The following TLN2 variants were observed in gnomAD, a reference collection of about 807,000 sequenced individuals.
TLN2 encodes talin 2.
A neutral mutation model predicts 294.7 loss-of-function variants in TLN2; 118 were observed. The ratio of observed to expected loss-of-function variants is 0.40; its 90% confidence interval spans 0.34 to 0.47. TLN2 has a LOEUF of 0.47. Among genes scored for constraint, TLN2 ranks in the 20% least tolerant of loss-of-function variants. TLN2 has a pLI of 0.84. For synonymous variants in TLN2, 1,431 were observed against 1,304.5 expected (o/e 1.10, Z -2.09); for missense variants, 3,083 against 3,282.2 (o/e 0.94, Z 1.48).
rs554672593 is a variant in TLN2, at chr15:62,835,440, C to G, written c.7129-297C>G. On this transcript the variant is annotated intron_variant, in intron 55 of 58. Coordinates refer to ENST00000636159, the MANE Select transcript of TLN2 (RefSeq NM_015059.3). ...AGGAGTAAGTGTAGAAAGACAGCCC[C>G]AGGTCATCATTCCTGAGCCGTTTCC... 8 of 480,298 alleles carry G rather than the reference C, an allele frequency of 1.7e-5. No individual in the cohort carries two copies. The South Asian group carries it at 2.0e-4, about 12-fold the overall frequency. The allele number at this position is 480,298 out of a possible 1,614,324, so 29.8% of individuals were successfully genotyped here.
intron 1 of TLN2, among the ~76,000 whole-genome samples, chr15:62,410,461 TA>T (rs989367664): frequency 6.6e-6 from 1 of 151,940 alleles, no homozygotes; most frequent in Non-Finnish European, 1.5e-5. Flanking sequence ...AACCTGATTT[TA>T]AAAAAAAGGT....
chr15:62,421,726 T>TG (rs2034410521), intron 1 of TLN2, among the ~76,000 whole-genome samples: 1 of 152,038 alleles, frequency 6.6e-6, no homozygotes, highest in Non-Finnish European at 1.5e-5. Flanking sequence ...CCAGGCTTGA[T>TG]GCTGCGGTTA....
intron 1 of TLN2, among the ~76,000 whole-genome samples, chr15:62,470,868 A>G (rs574265834): frequency 9.8e-5 from 15 of 152,380 alleles, no homozygotes; most frequent in African/African-American, 2.9e-4. Flanking sequence ...GAGGCAATTC[A>G]TATTTCATTA....
chr15:62,818,640 C>G (rs1157545906), intron 52 of TLN2, among the ~76,000 whole-genome samples: 3 of 152,094 alleles, frequency 2.0e-5, no homozygotes, highest in African/African-American at 7.2e-5. Context: ...GGACTTCTCC[C>G]AGGAGAGCTT....
chr15:62,794,689 A>C (rs1447502017), intron 46 of TLN2, among the ~76,000 whole-genome samples: 1 of 152,116 alleles, frequency 6.6e-6, no homozygotes, highest in Non-Finnish European at 1.5e-5. Flanking sequence ...TGAGGAAGAG[A>C]AACAATTCCT....
rs77570046 is a variant in TLN2 at position 62,412,687 on chromosome 15, T to A, written c.-238+22002T>A. On this transcript the variant is annotated intron_variant, in intron 1 of 58. Transcript: ENST00000636159. ...CAGCAGTGGGTCCTTGAAAAAGTTG[T>A]TATATTTTTGTCCAAGGGCAGGATC... 2.0e-5 allele frequency among the ~76,000 whole-genome samples: 3 copies of A among 152,210 alleles called. No individual in the cohort carries two copies. The South Asian group carries it at 6.2e-4, about 32-fold the overall frequency.
intron 54 of TLN2, chr15:62,824,132 A>C: frequency 2.7e-6 from 1 of 367,498 alleles, no homozygotes; most frequent in South Asian, 2.1e-5. Context: ...AGCACTCATT[A>C]CAATTCATGT....
At chr15:62,801,738 CTGCCTGGCACT>C (rs2141146954) in intron 50 of TLN2, among the ~76,000 whole-genome samples, 1 of 152,350 alleles carries the variant, frequency 6.6e-6, no homozygotes, top group East Asian at 1.9e-4. Context: ...TTAAGTACCA[CTGCCTGGCACT>C]TGCCTGGCTG....
At chr15:62,535,736 G>T (rs1367869469) in intron 1 of TLN2, among the ~76,000 whole-genome samples, 1 of 152,042 alleles carries the variant, frequency 6.6e-6, no homozygotes, top group African/African-American at 2.4e-5. Context: ...TTGTAATTTA[G>T]TAGAGACGGG....
intron 45 of TLN2, among the ~76,000 whole-genome samples, chr15:62,790,152 T>C (rs947134287): frequency 1.3e-5 from 2 of 152,240 alleles, no homozygotes; most frequent in African/African-American, 4.8e-5. Context: ...AGAAATAATT[T>C]GGTGGCTAAG....
intron 1 of TLN2, among the ~76,000 whole-genome samples, chr15:62,529,093 G>GC (rs201951575): frequency 0.014 from 2,115 of 149,498 alleles, 51 homozygotes; most frequent in African/African-American, 0.051. Flanking sequence ...CATTTACAGG[G>GC]CTTTTTTTTT....
At chr15:62,463,343 G>A (rs2036921284) in intron 1 of TLN2, among the ~76,000 whole-genome samples, 1 of 152,106 alleles carries the variant, frequency 6.6e-6, no homozygotes. Flanking sequence ...GGTGAGAACC[G>A]TTGTTGTTAA....
At chr15:62,549,997 G>T (rs1165285547) in intron 1 of TLN2, among the ~76,000 whole-genome samples, 2 of 152,164 alleles carry the variant, frequency 1.3e-5, no homozygotes, top group East Asian at 3.9e-4. Flanking sequence ...TTTCTAGCTG[G>T]TTCTGATGAT....
At chr15:62,828,132 A>G (rs937827960) in intron 54 of TLN2, 1 of 152,344 alleles carries the variant, frequency 6.6e-6, no homozygotes, top group African/African-American at 2.4e-5. Flanking sequence ...AACCCAATAT[A>G]TAGCCTTTCC....
At position 62,841,877 on chromosome 15, in the gene TLN2, G is replaced by C. The variant is rs2070739652; in HGVS notation, c.*1267G>C. 1 of 152,158 alleles carries C rather than the reference G, an allele frequency of 6.6e-6. No homozygotes were observed. The highest frequency in any genetic ancestry group is 2.1e-4 in the South Asian group (1 of 4,822). The allele number at this position is 152,158 out of a possible 1,614,324, so 9.4% of individuals were successfully genotyped here. A position where few individuals can be genotyped will look rare whatever the true frequency, so the allele number is the denominator to read the frequency against. ...GAATCTAATGCCAGGGAGCAGGAGTGTTTGAAAGAATTCATAGTGGGGAAG... is the reference window on the plus strand; with the variant it reads ...GAATCTAATGCCAGGGAGCAGGAGTCTTTGAAAGAATTCATAGTGGGGAAG... On this transcript the variant is annotated 3_prime_UTR_variant, in exon 59 of 59. Coordinates refer to ENST00000636159, the MANE Select transcript of TLN2 (RefSeq NM_015059.3).
intron 3 of TLN2, among the ~76,000 whole-genome samples, chr15:62,634,183 G>A (rs996653308): frequency 4.6e-5 from 7 of 152,178 alleles, no homozygotes; most frequent in South Asian, 2.1e-4. Flanking sequence ...TAGGTGCACT[G>A]TTGGAGGACA....
chr15:62,797,363 G>T lies in TLN2; in HGVS notation c.6195G>T (p.Leu2065=), dbSNP rs573209378. The change falls in exon 48 of 59, where the codon CTG becomes CTT. Residue 2065 remains leucine, a synonymous_variant. Transcript: ENST00000636159. Reference sequence around the variant, plus strand: ...CCCAGCTCGCAGAAGTGGTCAAGCTGGGGGCAGCCAGCCTGGGCTCCGACG... The same window carrying T: ...CCCAGCTCGCAGAAGTGGTCAAGCTTGGGGCAGCCAGCCTGGGCTCCGACG... ...TITQLAEVVK[L]GAASLGSDDP... The T allele has an allele frequency of 2.5e-6, 4 of 1,612,516 alleles. No homozygotes were observed. The highest frequency in any genetic ancestry group is 1.8e-4 in the Middle Eastern group (1 of 5,706).
intron 16 of TLN2, among the ~76,000 whole-genome samples, chr15:62,699,385 ATT>A (rs111261040): frequency 7.0e-6 from 1 of 142,084 alleles, no homozygotes; most frequent in African/African-American, 2.6e-5. Flanking sequence ...CTCTTCCTCT[ATT>A]TTTTTTTTTT....
Position 62,836,253 on chromosome 15 carries a change from T to C in TLN2, c.7374+180T>C, listed in dbSNP as rs142942250. On this transcript the variant is annotated intron_variant, in intron 57 of 58. Transcript: ENST00000636159. ...ATCCTCCACTGCTGCCCCACCACGC[T>C]GCCATTCTCCTCGTGTGCCTTCTGG... 9.6e-3 allele frequency: 8,516 copies of C among 890,954 alleles called. 80 individuals carry two copies. Among genetic ancestry groups the C allele is most frequent in the Non-Finnish European group, 0.01 (6,171 of 588,172 alleles). The allele number at this position is 890,954 out of a possible 1,614,324, so 55.2% of individuals were successfully genotyped here. A position where few individuals can be genotyped will look rare whatever the true frequency, so the allele number is the denominator to read the frequency against.
Sources: allele counts gnomAD v4.1 joint callset (sites outside exome capture counted in the v4.1 genomes callset), GRCh38; gene constraint gnomAD v4.1.1; transcripts MANE v1.5; gene names NCBI Gene and HGNC (gene_info 2026-07-23, HGNC 2026-07-21).